CSMD1: variants seen among roughly 807,000 people sequenced by gnomAD.
CSMD1 encodes the protein CUB and Sushi multiple domains 1, also known as CUB and sushi domain-containing protein 1.
In CSMD1, 213 loss-of-function variants were observed where a neutral mutation model predicts 417.5. The observed-to-expected ratio is 0.51, with a 90% CI of 0.46 to 0.57. The LOEUF (loss-of-function observed/expected upper bound fraction) is 0.57. Ranked by LOEUF, CSMD1 falls within the 20% of genes least tolerant of loss-of-function variation. The pLI is 0.00. For synonymous variants in CSMD1, 2,862 were observed against 1,736.8 expected (o/e 1.65, Z -16.11); for missense variants, 6,923 against 4,529.7 (o/e 1.53, Z -15.17).
At position 3,060,661 on chromosome 8, in the gene CSMD1, C is replaced by T. The variant is rs557749019; in HGVS notation, c.7475-8014G>A. 7.9e-4 allele frequency among the ~76,000 whole-genome samples: 120 copies of T among 152,244 alleles called. 1 individual carries two copies. The highest frequency in any genetic ancestry group is 2.6e-3 in the African/African-American group (108 of 41,540). ...CATCAACTTGTGCTATGGAAACAAT[C>T]AGGTATTTCAAATCTGATACAGGTG... On this transcript the variant is annotated intron_variant, in intron 49 of 69. Transcript: ENST00000635120.
chr8:4,226,070 ACACAC>A (rs1801333891), intron 3 of CSMD1, among the ~76,000 whole-genome samples: 1 of 5,252 alleles, frequency 1.9e-4, no homozygotes, highest in Non-Finnish European at 1.3e-3. Flanking sequence ...ACAGGCGGAC[ACACAC>A]ACACACACAC....
rs556006140 is a variant in CSMD1 at position 3,629,708 on chromosome 8, G to C, written c.1010-12911C>G. Among the ~76,000 whole-genome samples, 12 of 147,630 alleles carry C rather than the reference G, an allele frequency of 8.1e-5. No individual in the cohort carries two copies. In the East Asian group the frequency reaches 2.4e-3, roughly 29 times the overall value. On this transcript the variant is annotated intron_variant, in intron 7 of 69. Transcript: ENST00000635120. ...GGAGATAGAAAAGACCACATGATCG[G>C]CACAGAAAGAATAAAGGTAAAACAC... is the stretch of plus-strand genomic sequence containing the variant.
chr8:3,163,933 T>A (rs1459201168), intron 37 of CSMD1, among the ~76,000 whole-genome samples: 1 of 152,176 alleles, frequency 6.6e-6, no homozygotes, highest in Non-Finnish European at 1.5e-5. Flanking sequence ...TGTCCATGTA[T>A]ATGAGCCTGA....
At chr8:4,924,024 C>T (rs948558063) in intron 1 of CSMD1, among the ~76,000 whole-genome samples, 2 of 152,168 alleles carry the variant, frequency 1.3e-5, no homozygotes, top group Non-Finnish European at 2.9e-5. Flanking sequence ...TGTCCTCTGT[C>T]ACATCTCAGC....
At chr8:3,836,609 A>T (rs1307675995) in intron 5 of CSMD1, among the ~76,000 whole-genome samples, 3 of 152,186 alleles carry the variant, frequency 2.0e-5, no homozygotes, top group African/African-American at 7.2e-5. Flanking sequence ...ATTTATATTT[A>T]CTAAATGGTA....
At chr8:4,334,967 C>G (rs1246692220) in intron 3 of CSMD1, among the ~76,000 whole-genome samples, 2 of 152,102 alleles carry the variant, frequency 1.3e-5, no homozygotes, top group African/African-American at 2.4e-5. Flanking sequence ...ACAGTAAAAC[C>G]AGTGTCCTCC....
intron 11 of CSMD1, among the ~76,000 whole-genome samples, chr8:3,472,880 A>C (rs1173787761): frequency 6.6e-6 from 1 of 152,094 alleles, no homozygotes; most frequent in African/African-American, 2.4e-5. Flanking sequence ...CACTAGAAGT[A>C]ACTGTTGGGG....
chr8:4,199,027 A>G (rs1041574150), intron 3 of CSMD1, among the ~76,000 whole-genome samples: 6 of 151,904 alleles, frequency 3.9e-5, no homozygotes, highest in Admixed American at 6.6e-5. Context: ...TCAATCCCCT[A>G]TGTACAGTGA....
intron 1 of CSMD1, among the ~76,000 whole-genome samples, chr8:4,981,651 A>T (rs1810895678): frequency 6.6e-6 from 1 of 152,078 alleles, no homozygotes. Flanking sequence ...TGATCTTTTT[A>T]TATTACTTTT....
chr8:3,437,198 T>A (rs1415654849), intron 12 of CSMD1, among the ~76,000 whole-genome samples: 1 of 152,158 alleles, frequency 6.6e-6, no homozygotes, highest in Non-Finnish European at 1.5e-5. Context: ...GGAAAACTCA[T>A]AAAAATCCTG....
At chr8:3,672,846 C>T (rs570191400) in intron 7 of CSMD1, among the ~76,000 whole-genome samples, 9 of 152,282 alleles carry the variant, frequency 5.9e-5, no homozygotes, top group South Asian at 4.1e-4. Flanking sequence ...GACTTGGAGA[C>T]GCAGCTTCTA....
In CSMD1 at chr8:3,988,557, A is replaced by C. The variant is rs112666265; in HGVS notation, c.818+9346T>G. ...TCTCTGGACTCACTCCAGAACTGCT[A>C]GATCACGGTCTGCATTTTGAAAAGA... On this transcript the variant is annotated intron_variant, in intron 5 of 69. Coordinates refer to ENST00000635120, the MANE Select transcript of CSMD1 (RefSeq NM_033225.6). Among the ~76,000 whole-genome samples, 846 of 152,334 alleles carry C rather than the reference A, an allele frequency of 5.6e-3. 8 individuals are homozygous for C. The highest frequency in any genetic ancestry group is 0.019 in the African/African-American group (791 of 41,578).
intron 3 of CSMD1, among the ~76,000 whole-genome samples, chr8:4,308,409 G>C (rs376842557): frequency 6.8e-6 from 1 of 147,064 alleles, no homozygotes; most frequent in Non-Finnish European, 1.5e-5. Flanking sequence ...GCATGTGTGT[G>C]TGTGTTATGT....
intron 5 of CSMD1, among the ~76,000 whole-genome samples, chr8:3,872,020 G>C: frequency 6.6e-6 from 1 of 152,134 alleles, no homozygotes; most frequent in Non-Finnish European, 1.5e-5. Flanking sequence ...TGAGTATAGT[G>C]GTTAACACAT....
At position 4,787,556 on chromosome 8, in the gene CSMD1, G is replaced by A. The variant is rs1797470547; in HGVS notation, c.86-149998C>T. On this transcript the variant is annotated intron_variant, in intron 1 of 69. Coordinates refer to ENST00000635120, the MANE Select transcript of CSMD1 (RefSeq NM_033225.6). ...TAAAACTGCCTTCACCAGAAAATGT[G>A]GGGAGACAGCTTTCATTGCACCCCA... 8.3e-6 allele frequency: 12 copies of A among 1,441,710 alleles called. No homozygotes were observed. The South Asian group carries it at 1.1e-4, about 13-fold the overall frequency. 89.3% of individuals were successfully genotyped at this position (1,441,710 alleles called of 1,614,324 possible).
chr8:4,529,838 G>C (rs950764310), intron 2 of CSMD1, among the ~76,000 whole-genome samples: 17 of 149,376 alleles, frequency 1.1e-4, no homozygotes, highest in Admixed American at 6.0e-4. Context: ...TCGTGCATAG[G>C]TTACCGTCAG....
rs571571164 is a variant in CSMD1 at position 3,693,096 on chromosome 8, A to G, written c.1009+15318T>C. ...TACATTTATTCTAGATGTTGAATACAAATCAATACATAGAGATAAATAGAT... is the reference window on the plus strand; with the variant it reads ...TACATTTATTCTAGATGTTGAATACGAATCAATACATAGAGATAAATAGAT... On this transcript the variant is annotated intron_variant, in intron 7 of 69. Transcript: ENST00000635120. 5.3e-4 allele frequency among the ~76,000 whole-genome samples: 80 copies of G among 152,306 alleles called. 1 individual carries two copies. In the South Asian group the frequency reaches 0.016, roughly 30 times the overall value.
rs1375007445 is a variant in CSMD1 at position 4,332,594 on chromosome 8, CACACACACACACAG to C, written c.415+87345_415+87358del. 5.8e-3 allele frequency among the ~76,000 whole-genome samples: 717 copies of C among 122,630 alleles called. 15 individuals carry two copies. The highest frequency in any genetic ancestry group is 0.027 in the African/African-American group (690 of 25,410). The allele number at this position is 122,630 out of a possible 152,430, so 80.5% of individuals were successfully genotyped here. ...ACACACACACACACACACACACACA[CACACACACACACAG>C]AGTCATATGCAGAGACATTCAGATA... On this transcript the variant is annotated intron_variant, in intron 3 of 69. Coordinates refer to ENST00000635120, the MANE Select transcript of CSMD1 (RefSeq NM_033225.6).
intron 3 of CSMD1, among the ~76,000 whole-genome samples, chr8:4,291,859 A>G (rs1356071740): frequency 6.6e-6 from 1 of 152,202 alleles, no homozygotes; most frequent in Admixed American, 6.5e-5. Context: ...AACTCATGTG[A>G]AATTAGAAGT....
Sources: allele counts gnomAD v4.1 joint callset (sites outside exome capture counted in the v4.1 genomes callset), GRCh38; gene constraint gnomAD v4.1.1; transcripts MANE v1.5; gene names NCBI Gene and HGNC (gene_info 2026-07-23, HGNC 2026-07-21).